The following KAZN variants were observed in gnomAD, a reference collection of about 807,000 sequenced individuals.
KAZN encodes kazrin, periplakin interacting protein.
In KAZN, 40 loss-of-function variants were observed where a neutral mutation model predicts 87.4. The observed-to-expected ratio is 0.46, with a 90% CI of 0.36 to 0.60. The LOEUF is 0.60. Among genes scored for constraint, KAZN ranks in the 20% least tolerant of loss-of-function variants. The pLI is 0.00. For synonymous variants in KAZN, 466 were observed against 458.3 expected (o/e 1.02, Z -0.22); for missense variants, 898 against 1,073.9 (o/e 0.84, Z 2.29).
chr1:14,713,797 A>AAAAAAAAAAAAAAAAAAAAAGAAAGAAAG (rs1553215138), intron 1 of KAZN, among the ~76,000 whole-genome samples: 1 of 95,648 alleles, frequency 1.0e-5, no homozygotes, highest in Non-Finnish European at 1.9e-5. Flanking sequence ...AAAAAAAAAA[A>AAAAAAAAAAAAAAAAAAAAAGAAAGAAAG]AAAGAAAGAA....
At chr1:14,573,290 C>T (rs1674980676) in intron 2 of KAZN, among the ~76,000 whole-genome samples, 1 of 152,202 alleles carries the variant, frequency 6.6e-6, no homozygotes, top group African/African-American at 2.4e-5. Context: ...CTAAAAGCAA[C>T]TACATTTTCA....
In KAZN at chr1:14,620,711, G is replaced by A. The variant is rs558089311; in HGVS notation, c.226+21488G>A. On this transcript the variant is annotated intron_variant, in intron 1 of 14. Coordinates refer to ENST00000376030, the MANE Select transcript of KAZN (RefSeq NM_201628.3). ...AAGTAACAGTCATGAGCTCAACTCC[G>A]AGCCCTGCCACTACTATAATAGCTG... Among the ~76,000 whole-genome samples the A allele has an allele frequency of 5.3e-5, 8 of 152,276 alleles. No individual in the cohort carries two copies. The East Asian group carries it at 7.7e-4, about 15-fold the overall frequency.
At chr1:14,624,432 A>G (rs544497386) in intron 1 of KAZN, among the ~76,000 whole-genome samples, 1 of 145,320 alleles carries the variant, frequency 6.9e-6, no homozygotes, top group African/African-American at 2.9e-5. Flanking sequence ...AAGAAAAAAA[A>G]AAAACAACAA....
intron 2 of KAZN, among the ~76,000 whole-genome samples, chr1:14,336,110 G>A (rs1445953056): frequency 6.6e-6 from 1 of 152,192 alleles, no homozygotes; most frequent in South Asian, 2.1e-4. Context: ...ATAGGTAATG[G>A]AGTAAGGATT....
chr1:14,295,399 C>A (rs1654031920), intron 2 of KAZN, among the ~76,000 whole-genome samples: 1 of 152,326 alleles, frequency 6.6e-6, no homozygotes, highest in Non-Finnish European at 1.5e-5. Context: ...TTCTCCCTCT[C>A]ATGCACACAT....
rs765707006 is a variant in KAZN at position 14,434,223 on chromosome 1, G to GA, written c.250-164753dup. On this transcript the variant is annotated intron_variant, in intron 2 of 16. Coordinates refer to the KAZN transcript ENST00000636203. ...ATTATTTCCAGTTTGGGGCTATCAT[G>GA]AAAAAAATCCTGTTATGAGGAATCT... 1.9e-4 allele frequency among the ~76,000 whole-genome samples: 29 copies of GA among 152,020 alleles called. 1 individual carries two copies. The highest frequency in any genetic ancestry group is 3.3e-4 in the Admixed American group (5 of 15,268).
At chr1:14,503,151 G>T (rs61771914) in intron 2 of KAZN, among the ~76,000 whole-genome samples, 63 of 151,850 alleles carry the variant, frequency 4.1e-4, no homozygotes, top group African/African-American at 1.3e-3. Flanking sequence ...CTAGGAAATG[G>T]GTCAATAGCA....
At chr1:14,404,844 T>C (rs1029155850) in intron 2 of KAZN, among the ~76,000 whole-genome samples, 7 of 152,212 alleles carry the variant, frequency 4.6e-5, no homozygotes, top group African/African-American at 1.7e-4. Context: ...AAAGGTCCAC[T>C]TAAAGAACAC....
intron 1 of KAZN, among the ~76,000 whole-genome samples, chr1:14,797,927 C>G (rs1404127211): frequency 6.6e-6 from 1 of 152,194 alleles, no homozygotes; most frequent in Non-Finnish European, 1.5e-5. Context: ...ACGATGCCCA[C>G]GATGTGCCAA....
intron 1 of KAZN, among the ~76,000 whole-genome samples, chr1:14,683,642 T>C (rs1640799945): frequency 6.6e-6 from 1 of 152,212 alleles, no homozygotes; most frequent in African/African-American, 2.4e-5. Flanking sequence ...GTATCAGCTC[T>C]GTTAAAGCAG....
chr1:14,566,366 T>C (rs1674548538), intron 2 of KAZN, among the ~76,000 whole-genome samples: 1 of 152,230 alleles, frequency 6.6e-6, no homozygotes, highest in African/African-American at 2.4e-5. Context: ...TGTATACAGA[T>C]ATGCTGTCAT....
chr1:14,095,228 G>A (rs1003775723), intron 1 of KAZN, among the ~76,000 whole-genome samples: 2 of 152,104 alleles, frequency 1.3e-5, no homozygotes, highest in Admixed American at 6.5e-5. Flanking sequence ...AGAACCACTG[G>A]GAGAGCCACA....
intron 2 of KAZN, among the ~76,000 whole-genome samples, chr1:14,254,996 C>CTGTAA (rs1343522660): frequency 6.6e-6 from 1 of 151,810 alleles, no homozygotes; most frequent in Admixed American, 6.6e-5. Context: ...TGGCATGTGC[C>CTGTAA]TGTAATCCCA....
At chr1:14,669,298 T>G (rs988158338) in intron 1 of KAZN, among the ~76,000 whole-genome samples, 9 of 152,220 alleles carry the variant, frequency 5.9e-5, no homozygotes, top group African/African-American at 2.2e-4. Flanking sequence ...GGGTTGCTAT[T>G]AGGAGCCAGT....
intron 1 of KAZN, among the ~76,000 whole-genome samples, chr1:14,940,746 C>T (rs1426912742): frequency 6.6e-6 from 1 of 152,040 alleles, no homozygotes; most frequent in East Asian, 1.9e-4. Flanking sequence ...ATAGCAGGAA[C>T]TCAAAGCCAT....
rs1557685173 is a variant in KAZN, at chr1:14,983,519, T to TA, written c.418+22644_418+22645insA. On this transcript the variant is annotated intron_variant, in intron 2 of 14. Transcript: ENST00000376030. ...GAAATGCAAAGTGACGTGACCCCTGTGGGGGGAGCAAAATCACATATGCAT... is the reference window on the plus strand; with the variant it reads ...GAAATGCAAAGTGACGTGACCCCTGTAGGGGGGAGCAAAATCACATATGCAT... Among the ~76,000 whole-genome samples, 473 of 139,898 alleles carry TA rather than the reference T, an allele frequency of 3.4e-3. 3 individuals carry two copies. The highest frequency in any genetic ancestry group is 0.019 in the Middle Eastern group (5 of 266). 91.8% of individuals were successfully genotyped at this position (139,898 alleles called of 152,430 possible).
rs1011880324 is a variant in KAZN, at chr1:14,042,474, A to G, written c.92-137961A>G. Among the ~76,000 whole-genome samples, 5 of 152,174 alleles carry G rather than the reference A, an allele frequency of 3.3e-5. No individual in the cohort carries two copies. In the East Asian group the frequency reaches 9.6e-4, roughly 29 times the overall value. On this transcript the variant is annotated intron_variant, in intron 1 of 16. Coordinates refer to the KAZN transcript ENST00000636203. ...GTACTTCAAGTTCCTGAGCAGGTCT[A>G]GGGTTCCCAGGGCAAATTGGCTTGC...
chr1:15,039,341 C>A (rs1193755028), intron 3 of KAZN, among the ~76,000 whole-genome samples: 2 of 152,176 alleles, frequency 1.3e-5, no homozygotes, highest in East Asian at 1.9e-4. Context: ...AGTCCCAGAG[C>A]CCCAGCCCCA....
At chr1:14,845,881 A>C (rs1648693364) in intron 1 of KAZN, among the ~76,000 whole-genome samples, 2 of 152,082 alleles carry the variant, frequency 1.3e-5, no homozygotes, top group African/African-American at 4.8e-5. Flanking sequence ...TGGAGAGTGA[A>C]AGAATGTTGG....
Sources: allele counts gnomAD v4.1 joint callset (sites outside exome capture counted in the v4.1 genomes callset), GRCh38; gene constraint gnomAD v4.1.1; transcripts MANE v1.5; gene names NCBI Gene and HGNC (gene_info 2026-07-23, HGNC 2026-07-21).